Variants in NEMP2 observed in about 807,000 individuals in gnomAD.
The protein encoded by NEMP2 is nuclear envelope integral membrane protein 2.
A neutral mutation model predicts 54.2 loss-of-function variants in NEMP2; 53 were observed. The ratio of observed to expected loss-of-function variants is 0.98; its 90% confidence interval spans 0.78 to 1.23. NEMP2 has a LOEUF of 1.23. NEMP2 is among the 50% of genes most tolerant of loss of function. NEMP2 has a pLI of 0.00. For missense variants in NEMP2, 455 were observed against 511.3 expected (o/e 0.89, Z 1.06); for synonymous variants, 197 against 190.3 (o/e 1.04, Z -0.29).
At chr2:190,562,207 T>C in the NEMP2 span, among the ~76,000 whole-genome samples, 1 of 152,164 alleles carries the variant, frequency 6.6e-6, no homozygotes, top group Non-Finnish European at 1.5e-5. This position sits in a 1 kb window ranked among gnomAD's most constrained non-coding sequence, Gnocchi z 5.0. Flanking sequence ...AACAGACCAG[T>C]AGAAATGGGG....
chr2:190,495,825 C>A, the NEMP2 span, among the ~76,000 whole-genome samples: 1 of 151,996 alleles, frequency 6.6e-6, no homozygotes, highest in African/African-American at 2.4e-5. This position sits in a 1 kb window ranked among gnomAD's most constrained non-coding sequence, Gnocchi z 4.7. Context: ...CATTTCTCAC[C>A]GTATAAAAAA....
At chr2:190,495,075 T>C in the NEMP2 span, among the ~76,000 whole-genome samples, 1 of 152,182 alleles carries the variant, frequency 6.6e-6, no homozygotes, top group Non-Finnish European at 1.5e-5. The surrounding 1 kb of genome is among the most constrained non-coding windows in gnomAD (Gnocchi z 4.7). Flanking sequence ...TGTTTGCTGA[T>C]GATAAGATTG....
the NEMP2 span, among the ~76,000 whole-genome samples, chr2:190,430,191 C>A: frequency 1.1e-4 from 16 of 149,520 alleles, no homozygotes; most frequent in African/African-American, 3.7e-4. Flanking sequence ...CTTTTTATGG[C>A]TGCATAGTCC....
the NEMP2 span, among the ~76,000 whole-genome samples, chr2:190,571,463 A>G: frequency 6.6e-6 from 1 of 152,100 alleles, no homozygotes; most frequent in Non-Finnish European, 1.5e-5. Flanking sequence ...GAATCGCTCG[A>G]ACTCAGGAGA....
At chr2:190,445,450 C>A in the NEMP2 span, among the ~76,000 whole-genome samples, 1 of 78,028 alleles carries the variant, frequency 1.3e-5, no homozygotes, top group South Asian at 4.6e-4. Flanking sequence ...TTAAAAAGCC[C>A]CAATCACAAA....
chr2:190,591,377 G>A, the NEMP2 span, among the ~76,000 whole-genome samples: 1 of 152,100 alleles, frequency 6.6e-6, no homozygotes, highest in Non-Finnish European at 1.5e-5. This position sits in a 1 kb window ranked among gnomAD's most constrained non-coding sequence, Gnocchi z 5.4. Context: ...TGTTGTGAAA[G>A]CACCTCTCAT....
chr2:190,541,566 T>C, the NEMP2 span, among the ~76,000 whole-genome samples: 1 of 152,214 alleles, frequency 6.6e-6, no homozygotes, highest in Non-Finnish European at 1.5e-5. The surrounding 1 kb of genome is among the most constrained non-coding windows in gnomAD (Gnocchi z 5.2). Flanking sequence ...GTAACTATTA[T>C]TGTTTTTCAT....
the NEMP2 span, among the ~76,000 whole-genome samples, chr2:190,571,569 T>A: frequency 1.3e-5 from 2 of 151,698 alleles, no homozygotes; most frequent in Non-Finnish European, 2.9e-5. Context: ...ATAATAATAA[T>A]AAACCTTTTC....
the NEMP2 span, chr2:190,625,490 GTT>G: frequency 6.6e-6 from 1 of 152,176 alleles, no homozygotes; most frequent in Non-Finnish European, 1.5e-5. Flanking sequence ...AGTGTCAATG[GTT>G]GCACAACTTT....
the NEMP2 span, among the ~76,000 whole-genome samples, chr2:190,458,316 G>C: frequency 1.7e-4 from 26 of 152,242 alleles, no homozygotes; most frequent in South Asian, 1.9e-3. The surrounding 1 kb of genome is among the most constrained non-coding windows in gnomAD (Gnocchi z 5.3). Context: ...GCCCTCATCT[G>C]TTATGAGCAG....
the NEMP2 span, among the ~76,000 whole-genome samples, chr2:190,593,469 T>C: frequency 6.6e-6 from 1 of 152,160 alleles, no homozygotes; most frequent in African/African-American, 2.4e-5. The surrounding 1 kb of genome is among the most constrained non-coding windows in gnomAD (Gnocchi z 4.5). Context: ...CATGTCTGAG[T>C]TCCAGCCTGA....
the NEMP2 span, among the ~76,000 whole-genome samples, chr2:190,565,470 G>A: frequency 3.9e-5 from 6 of 152,204 alleles, no homozygotes; most frequent in Admixed American, 2.6e-4. Flanking sequence ...AGCAGACTTT[G>A]AGGTGGAGTT....
At chr2:190,616,044 T>G in the NEMP2 span, among the ~76,000 whole-genome samples, 1 of 152,346 alleles carries the variant, frequency 6.6e-6, no homozygotes, top group Middle Eastern at 3.4e-3. The surrounding 1 kb of genome is among the most constrained non-coding windows in gnomAD (Gnocchi z 5.1). Context: ...CTTTGTCATG[T>G]AACTGTTGCC....
the NEMP2 span, among the ~76,000 whole-genome samples, chr2:190,599,625 G>A: frequency 6.6e-6 from 1 of 151,494 alleles, no homozygotes; most frequent in East Asian, 1.9e-4. Context: ...TTTACTTTAG[G>A]TGCTGTGCCC....
At chr2:190,555,952 AG>A in the NEMP2 span, among the ~76,000 whole-genome samples, 1 of 152,238 alleles carries the variant, frequency 6.6e-6, no homozygotes, top group African/African-American at 2.4e-5. The surrounding 1 kb of genome is among the most constrained non-coding windows in gnomAD (Gnocchi z 4.8). Flanking sequence ...ATAGAAAAAG[AG>A]GGAATCCTCC....
the NEMP2 span, among the ~76,000 whole-genome samples, chr2:190,435,593 A>G: frequency 6.6e-6 from 1 of 152,180 alleles, no homozygotes. Context: ...CCTAGACTTC[A>G]TAATGTAGTG....
chr2:190,550,693 T>C, the NEMP2 span, among the ~76,000 whole-genome samples: 28 of 152,206 alleles, frequency 1.8e-4, no homozygotes, highest in African/African-American at 6.8e-4. The surrounding 1 kb of genome is among the most constrained non-coding windows in gnomAD (Gnocchi z 4.7). Context: ...AAATGTAGCC[T>C]TTACATGTTA....
chr2:190,559,809 G>A, the NEMP2 span, among the ~76,000 whole-genome samples: 1 of 152,208 alleles, frequency 6.6e-6, no homozygotes, highest in Non-Finnish European at 1.5e-5. The surrounding 1 kb of genome is among the most constrained non-coding windows in gnomAD (Gnocchi z 4.0). Flanking sequence ...CTGGCAGCAG[G>A]TCCAGAAGTA....
chr2:190,560,602 C>G, the NEMP2 span, among the ~76,000 whole-genome samples: 2 of 152,162 alleles, frequency 1.3e-5, no homozygotes, highest in Admixed American at 1.3e-4. The surrounding 1 kb of genome is among the most constrained non-coding windows in gnomAD (Gnocchi z 5.4). Flanking sequence ...TACATCTGAA[C>G]CAATATGCCA....
Sources: allele counts gnomAD v4.1 joint callset (sites outside exome capture counted in the v4.1 genomes callset), GRCh38; gene constraint gnomAD v4.1.1; non-coding constraint Gnocchi (gnomAD v3.1); transcripts MANE v1.5; gene names NCBI Gene and HGNC (gene_info 2026-07-23, HGNC 2026-07-21).